Variants in TDRP observed in about 807,000 individuals in gnomAD.
TDRP encodes the protein testis development related protein, also known as testis development-related protein.
A neutral mutation model predicts 10.5 loss-of-function variants in TDRP; 12 were observed. That is an observed-to-expected ratio of 1.15 (90% CI 0.73 to 1.86). TDRP has a LOEUF of 1.86. Among genes scored for constraint, TDRP ranks in the 40% most tolerant of loss-of-function variants. The probability of loss-of-function intolerance (pLI) is 0.00; values close to 1 mark genes in which losing one functional copy is unlikely to be tolerated. For missense variants in TDRP, 353 were observed against 229.2 expected, an observed-to-expected ratio of 1.54 and a Z score of -3.49; for synonymous variants, 139 against 95.4, an observed-to-expected ratio of 1.46 and a Z score of -2.67.
At chr8:535,577 G>A (rs1045212119) in intron 1 of TDRP, among the ~76,000 whole-genome samples, 4 of 152,032 alleles carry the variant, frequency 2.6e-5, no homozygotes, top group Admixed American at 6.5e-5. Context: ...TAACTCCTAA[G>A]ACAAGGCTGA....
intron 1 of TDRP, among the ~76,000 whole-genome samples, chr8:498,597 T>A (rs1272215374): frequency 6.6e-6 from 1 of 152,192 alleles, no homozygotes; most frequent in African/African-American, 2.4e-5. Context: ...TGGATTTGAC[T>A]TTTGAGTTAA....
At chr8:525,187 A>G (rs984911725) in intron 1 of TDRP, among the ~76,000 whole-genome samples, 2 of 152,148 alleles carry the variant, frequency 1.3e-5, no homozygotes, top group Admixed American at 1.3e-4. Context: ...GCTGAAGGAA[A>G]AACATTTTTA....
rs1313863425 is a variant in TDRP at position 491,349 on chromosome 8, T to TA, written c.*1049dup. On this transcript the variant is annotated 3_prime_UTR_variant, in exon 3 of 3. Transcript: ENST00000324079. ...AAGAGATATCTGCAGGACTTGCTGA[T>TA]AAGAGCCAACCTTCCAGGGACGCAT... 1.4e-5 allele frequency: 5 copies of TA among 358,966 alleles called. No individual in the cohort carries two copies. Among genetic ancestry groups the TA allele is most frequent in the African/African-American group, 1.0e-4 (5 of 47,852 alleles). The allele number at this position is 358,966 out of a possible 1,614,324, so 22.2% of individuals were successfully genotyped here. A position where few individuals can be genotyped will look rare whatever the true frequency, so the allele number is the denominator to read the frequency against.
intron 1 of TDRP, among the ~76,000 whole-genome samples, chr8:505,300 C>G (rs934444639): frequency 6.6e-6 from 1 of 152,228 alleles, no homozygotes; most frequent in African/African-American, 2.4e-5. Flanking sequence ...ACAAATACCT[C>G]TTCCACCAAG....
intron 1 of TDRP, among the ~76,000 whole-genome samples, chr8:530,496 C>A (rs934805203): frequency 7.2e-5 from 11 of 152,114 alleles, no homozygotes; most frequent in African/African-American, 2.2e-4. Flanking sequence ...TGGCTTGGTA[C>A]AGGAGAAGAA....
chr8:522,603 T>A (rs1159671650), intron 1 of TDRP, among the ~76,000 whole-genome samples: 1 of 152,202 alleles, frequency 6.6e-6, no homozygotes, highest in Non-Finnish European at 1.5e-5. Flanking sequence ...GTAATATGCT[T>A]TGCCCCGCAC....
chr8:511,746 C>A (rs1801625237), intron 1 of TDRP, among the ~76,000 whole-genome samples: 1 of 152,190 alleles, frequency 6.6e-6, no homozygotes, highest in South Asian at 2.1e-4. Flanking sequence ...AAAGTCCTTT[C>A]TTTGACCATA....
At chr8:502,549 GCA>G (rs1460863608) in intron 1 of TDRP, among the ~76,000 whole-genome samples, 4 of 152,192 alleles carry the variant, frequency 2.6e-5, no homozygotes, top group African/African-American at 9.7e-5. Context: ...GCATACCTCA[GCA>G]CACACAAACA....
intron 1 of TDRP, among the ~76,000 whole-genome samples, chr8:499,855 G>C (rs1563117407): frequency 6.6e-6 from 1 of 152,236 alleles, no homozygotes; most frequent in Non-Finnish European, 1.5e-5. Flanking sequence ...GAAGGACATG[G>C]ACATTGTCCT....
intron 1 of TDRP, among the ~76,000 whole-genome samples, chr8:523,813 T>C (rs542242610): frequency 1.6e-4 from 24 of 152,182 alleles, no homozygotes; most frequent in Non-Finnish European, 2.8e-4. Context: ...CTGAGGTTTC[T>C]GACTCCAGGC....
chr8:517,058 G>A (rs1388239297), intron 1 of TDRP, among the ~76,000 whole-genome samples: 2 of 152,284 alleles, frequency 1.3e-5, no homozygotes, highest in South Asian at 4.2e-4. Context: ...AGTTCAGGCC[G>A]TGATGGGAAG....
At chr8:503,169 A>T (rs1008389028) in intron 1 of TDRP, among the ~76,000 whole-genome samples, 2 of 152,236 alleles carry the variant, frequency 1.3e-5, no homozygotes, top group East Asian at 3.9e-4. Context: ...ACGCATCAGA[A>T]CCCATGCCCA....
Position 522,169 on chromosome 8 carries a change from G to C in TDRP, c.108+22481C>G, listed in dbSNP as rs75698394. Among the ~76,000 whole-genome samples the C allele has an allele frequency of 3.2e-3, 488 of 152,256 alleles. 3 individuals carry two copies. The highest frequency in any genetic ancestry group is 6.9e-3 in the Admixed American group (106 of 15,300). On this transcript the variant is annotated intron_variant, in intron 1 of 2. Coordinates refer to ENST00000324079, the MANE Select transcript of TDRP (RefSeq NM_001384899.1). Reference sequence around the variant, plus strand: ...TCAGACAGTCCCCTATTTACATTGTGCTACTATGTCTCCCTTCAATCCTCT... The same window carrying C: ...TCAGACAGTCCCCTATTTACATTGTCCTACTATGTCTCCCTTCAATCCTCT...
intron 1 of TDRP, among the ~76,000 whole-genome samples, chr8:500,419 A>G (rs988808985): frequency 1.3e-5 from 2 of 152,184 alleles, no homozygotes; most frequent in African/African-American, 4.8e-5. Context: ...GATCCTGTCC[A>G]TGAGCACAGA....
In TDRP at chr8:494,521, T is replaced by G. The variant is rs764986630; in HGVS notation, c.185A>C (p.Glu62Ala). 6.2e-7 allele frequency: 1 copy of G among 1,613,976 alleles called. No homozygotes were observed. ...FNKDDEQHLL[E>A]RCKSPKSKGT... ...TTTGGACTTGGGAGATTTACATCTTTCCAGGAGATGCTGCTCATCATCTTT... is the reference window on the plus strand; with the variant it reads ...TTTGGACTTGGGAGATTTACATCTTGCCAGGAGATGCTGCTCATCATCTTT... The change falls in exon 2 of 3, where the codon GAA becomes GCA. Residue 62 changes from glutamate (E) to alanine (A), a missense_variant. Glu to Ala is a moderately radical substitution (Grantham distance 107). Transcript: ENST00000324079.
In TDRP at chr8:511,836, G is replaced by T. The variant is rs779558602; in HGVS notation, c.109-17239C>A. On this transcript the variant is annotated intron_variant, in intron 1 of 2. Coordinates refer to ENST00000324079, the MANE Select transcript of TDRP (RefSeq NM_001384899.1). ...AAAACTCACTCTTAAATTACCAATG[G>T]GTCTAAGAAGGAAATCAGAAAATAC... Among the ~76,000 whole-genome samples the T allele has an allele frequency of 4.6e-5, 7 of 152,070 alleles. No homozygotes were observed. In the East Asian group the frequency reaches 1.2e-3, roughly 25 times the overall value.
At chr8:538,381 A>T (rs994534208) in intron 1 of TDRP, among the ~76,000 whole-genome samples, 1 of 152,188 alleles carries the variant, frequency 6.6e-6, no homozygotes, top group African/African-American at 2.4e-5. Context: ...GGTCAGATAG[A>T]GTCTGTTGGC....
chr8:498,134 G>T (rs1801184450), intron 1 of TDRP, among the ~76,000 whole-genome samples: 1 of 152,174 alleles, frequency 6.6e-6, no homozygotes, highest in Non-Finnish European at 1.5e-5. Context: ...CTGGAGTACT[G>T]CCTAGTAGAG....
At chr8:515,305 C>G (rs1198801972) in intron 1 of TDRP, among the ~76,000 whole-genome samples, 1 of 152,188 alleles carries the variant, frequency 6.6e-6, no homozygotes, top group Non-Finnish European at 1.5e-5. Flanking sequence ...ATTAGGAAAT[C>G]TCTGATTAAA....
Sources: allele counts gnomAD v4.1 joint callset (sites outside exome capture counted in the v4.1 genomes callset), GRCh38; gene constraint gnomAD v4.1.1; transcripts MANE v1.5; gene names NCBI Gene and HGNC (gene_info 2026-07-23, HGNC 2026-07-21).